DAB1: variants seen among roughly 807,000 people sequenced by gnomAD.
The protein encoded by DAB1 is disabled homolog 1.
Under a neutral mutation model 64.6 loss-of-function variants are expected in DAB1, and 15 were observed. That is an observed-to-expected ratio of 0.23 (90% confidence interval 0.16 to 0.36). The LOEUF is 0.36. Ranked by LOEUF, DAB1 falls within the 10% of genes least tolerant of loss-of-function variation. The pLI is 1.00. For synonymous variants in DAB1, 235 were observed against 251.9 expected, an observed-to-expected ratio of 0.93 and a Z score of 0.64; for missense variants, 596 against 706.7, an observed-to-expected ratio of 0.84 and a Z score of 1.78.
At chr1:58,344,748 C>T (rs1335971885) in intron 3 of DAB1, among the ~76,000 whole-genome samples, 1 of 152,160 alleles carries the variant, frequency 6.6e-6, no homozygotes. Context: ...TAACTAACAT[C>T]ACTGAGAGCC....
chr1:57,302,188 A>C (rs1185507878), intron 1 of DAB1, among the ~76,000 whole-genome samples: 1 of 152,196 alleles, frequency 6.6e-6, no homozygotes, highest in East Asian at 1.9e-4. Context: ...ACAAAAAAGC[A>C]CACGCAACAG....
intron 1 of DAB1, among the ~76,000 whole-genome samples, chr1:57,300,312 G>A (rs745343856): frequency 7.2e-5 from 11 of 152,142 alleles, no homozygotes; most frequent in Non-Finnish European, 1.3e-4. Flanking sequence ...GTGATTGCAT[G>A]GCATGCTAAC....
chr1:57,794,512 C>T (rs1176437595), intron 6 of DAB1, among the ~76,000 whole-genome samples: 1 of 152,194 alleles, frequency 6.6e-6, no homozygotes, highest in African/African-American at 2.4e-5. Flanking sequence ...GCTTATCCTA[C>T]AAGCCTCAGC....
At chr1:58,344,539 C>A (rs548236175) in intron 3 of DAB1, among the ~76,000 whole-genome samples, 1 of 152,056 alleles carries the variant, frequency 6.6e-6, no homozygotes, top group Non-Finnish European at 1.5e-5. Flanking sequence ...GCTGTCTCAC[C>A]CTCCACCCCC....
chr1:57,035,902 G>T (rs1004493963), intron 9 of DAB1, among the ~76,000 whole-genome samples: 24 of 133,508 alleles, frequency 1.8e-4, no homozygotes, highest in African/African-American at 6.5e-4. Flanking sequence ...GAGTGCAGTG[G>T]TACAATGTTG....
intron 7 of DAB1, among the ~76,000 whole-genome samples, chr1:57,552,679 T>C (rs1644928088): frequency 6.6e-6 from 1 of 152,146 alleles, no homozygotes; most frequent in Non-Finnish European, 1.5e-5. Flanking sequence ...AGATACACTT[T>C]TAAGGAGCAG....
chr1:58,285,671 A>C (rs948216342), intron 4 of DAB1, among the ~76,000 whole-genome samples: 3 of 152,254 alleles, frequency 2.0e-5, no homozygotes, highest in Non-Finnish European at 4.4e-5. Flanking sequence ...ATCAGACAGG[A>C]CACAAACAAA....
At chr1:58,491,857 G>A (rs996059125) in intron 3 of DAB1, among the ~76,000 whole-genome samples, 2 of 152,126 alleles carry the variant, frequency 1.3e-5, no homozygotes, top group Non-Finnish European at 2.9e-5. Flanking sequence ...ACAGATCAAT[G>A]AGACAAAAAG....
chr1:57,998,565 T>C (rs1240396264), intron 5 of DAB1, among the ~76,000 whole-genome samples: 2 of 152,134 alleles, frequency 1.3e-5, no homozygotes, highest in Non-Finnish European at 2.9e-5. Context: ...GGTTTCACCA[T>C]GTTGGCCAGG....
intron 7 of DAB1, among the ~76,000 whole-genome samples, chr1:57,611,340 T>C (rs539693187): frequency 1.3e-5 from 2 of 152,246 alleles, no homozygotes; most frequent in South Asian, 2.1e-4. Context: ...AGAATGTTTA[T>C]TGTTCTATCA....
At chr1:57,731,570 C>T (rs973142612) in intron 6 of DAB1, among the ~76,000 whole-genome samples, 4 of 152,030 alleles carry the variant, frequency 2.6e-5, no homozygotes, top group Admixed American at 1.3e-4. Flanking sequence ...TTTGGGAGGC[C>T]GAGGCAGGTA....
chr1:57,695,352 GAAAAGAAAGA>G (rs1646819089), intron 6 of DAB1, among the ~76,000 whole-genome samples: 4 of 52,972 alleles, frequency 7.6e-5, no homozygotes, highest in Non-Finnish European at 1.6e-4. Context: ...AAGAAAGAAA[GAAAAGAAAGA>G]AGAAAGAAAG....
At chr1:57,952,258 A>G (rs540169634) in intron 5 of DAB1, among the ~76,000 whole-genome samples, 1 of 152,276 alleles carries the variant, frequency 6.6e-6, no homozygotes, top group Non-Finnish European at 1.5e-5. Context: ...GAGGATTGGC[A>G]TGGGAGTATG....
At chr1:58,038,635 G>A (rs1647084850) in intron 5 of DAB1, among the ~76,000 whole-genome samples, 1 of 152,022 alleles carries the variant, frequency 6.6e-6, no homozygotes, top group African/African-American at 2.4e-5. Flanking sequence ...CTGCCCTGAT[G>A]GGGTGTTATT....
At chr1:58,037,402 G>A (rs970540296) in intron 5 of DAB1, among the ~76,000 whole-genome samples, 1 of 152,076 alleles carries the variant, frequency 6.6e-6, no homozygotes, top group African/African-American at 2.4e-5. Context: ...ACTAGTCTGT[G>A]GCCAGTTAGG....
chr1:57,161,137 G>A (rs1004592901), intron 2 of DAB1, among the ~76,000 whole-genome samples: 6 of 152,114 alleles, frequency 3.9e-5, no homozygotes, highest in Non-Finnish European at 8.8e-5. Flanking sequence ...ACCAAAGACA[G>A]TACAAAATCA....
intron 1 of DAB1, among the ~76,000 whole-genome samples, chr1:57,376,330 C>T (rs1212408286): frequency 1.3e-5 from 2 of 152,214 alleles, no homozygotes; most frequent in African/African-American, 4.8e-5. Flanking sequence ...TAGACTTAGC[C>T]TTGCACACTG....
chr1:57,689,440 T>C (rs1558613164), intron 6 of DAB1, among the ~76,000 whole-genome samples: 1 of 152,098 alleles, frequency 6.6e-6, no homozygotes, highest in Non-Finnish European at 1.5e-5. Flanking sequence ...GAAAAGGCAA[T>C]TGGTTGAGTG....
At chr1:57,085,462 C>A (rs866158837) in intron 4 of DAB1, among the ~76,000 whole-genome samples, 1 of 152,210 alleles carries the variant, frequency 6.6e-6, no homozygotes, top group Non-Finnish European at 1.5e-5. Context: ...TGATGTGCCC[C>A]CAGGACTCAA....
Sources: allele counts gnomAD v4.1 joint callset (sites outside exome capture counted in the v4.1 genomes callset), GRCh38; gene constraint gnomAD v4.1.1; transcripts MANE v1.5; gene names NCBI Gene and HGNC (gene_info 2026-07-23, HGNC 2026-07-21).